Variants in HPSE2 observed in about 807,000 individuals in gnomAD.
HPSE2 encodes the protein inactive heparanase-2.
In HPSE2, 38 loss-of-function variants were observed where a neutral mutation model predicts 60.5. That is an observed-to-expected ratio of 0.63 (90% CI 0.48 to 0.82). The LOEUF is 0.82. HPSE2 is among the 40% of genes least tolerant of loss of function. The pLI, the probability that HPSE2 is intolerant of heterozygous loss-of-function variation, is 0.00. For synonymous variants in HPSE2, 295 were observed against 293.2 expected (o/e 1.01, Z -0.06); for missense variants, 713 against 740.4 (o/e 0.96, Z 0.43).
intron 9 of HPSE2, among the ~76,000 whole-genome samples, chr10:98,493,802 T>G (rs1240804128): frequency 1.3e-5 from 2 of 152,256 alleles, no homozygotes; most frequent in Non-Finnish European, 2.9e-5. Context: ...AAGTAACTAC[T>G]GATAAGGAGG....
intron 9 of HPSE2, among the ~76,000 whole-genome samples, chr10:98,550,910 G>C (rs1486318060): frequency 6.6e-6 from 1 of 152,088 alleles, no homozygotes; most frequent in Non-Finnish European, 1.5e-5. Context: ...AACTTGGCCG[G>C]GACTAGTTTG....
At chr10:99,275,830 A>G in the HPSE2 span, among the ~76,000 whole-genome samples, 1 of 152,302 alleles carries the variant, frequency 6.6e-6, no homozygotes, top group South Asian at 2.1e-4. Context: ...TCAGGCCAGA[A>G]CATCTAGGGC....
At chr10:99,074,878 C>G in intron 3 of HPSE2, among the ~76,000 whole-genome samples, 1 of 152,004 alleles carries the variant, frequency 6.6e-6, no homozygotes, top group East Asian at 1.9e-4. Flanking sequence ...CTTTGTATTT[C>G]TGTGGTATCA....
chr10:98,471,651 T>G (rs1940785180), intron 11 of HPSE2, among the ~76,000 whole-genome samples: 1 of 152,042 alleles, frequency 6.6e-6, no homozygotes, highest in African/African-American at 2.4e-5. Context: ...CTGGATGTCT[T>G]GCCCCCTCCC....
At chr10:98,768,595 C>A (rs1950175531) in intron 3 of HPSE2, among the ~76,000 whole-genome samples, 1 of 152,166 alleles carries the variant, frequency 6.6e-6, no homozygotes, top group African/African-American at 2.4e-5. Context: ...TTACTAAGTA[C>A]ATGTTTACTG....
At chr10:98,919,249 T>C (rs972481989) in intron 3 of HPSE2, among the ~76,000 whole-genome samples, 1 of 152,062 alleles carries the variant, frequency 6.6e-6, no homozygotes, top group African/African-American at 2.4e-5. Flanking sequence ...AATATGCAGA[T>C]GTGTAATTGG....
intron 5 of HPSE2, among the ~76,000 whole-genome samples, chr10:98,704,352 A>T (rs1371518261): frequency 6.6e-6 from 1 of 152,174 alleles, no homozygotes; most frequent in Non-Finnish European, 1.5e-5. Flanking sequence ...TTACAGATTC[A>T]ATGCTATTCC....
intron 9 of HPSE2, among the ~76,000 whole-genome samples, chr10:98,608,892 C>T (rs1358798143): frequency 6.6e-6 from 1 of 151,894 alleles, no homozygotes; most frequent in Admixed American, 6.6e-5. Context: ...TTGTGCCTCC[C>T]CCGCCCTACC....
At chr10:98,731,257 C>T (rs556778570) in intron 4 of HPSE2, among the ~76,000 whole-genome samples, 22 of 152,054 alleles carry the variant, frequency 1.4e-4, no homozygotes, top group African/African-American at 2.4e-4. Context: ...CCAGTCTGGG[C>T]GACAGAGTGA....
At chr10:98,940,592 TA>T (rs1954963453) in intron 3 of HPSE2, among the ~76,000 whole-genome samples, 1 of 141,228 alleles carries the variant, frequency 7.1e-6, no homozygotes, top group African/African-American at 2.9e-5. Context: ...CAATAATCAA[TA>T]GCTTACCAAC....
At chr10:99,068,412 TGAG>T (rs1398249774) in intron 3 of HPSE2, among the ~76,000 whole-genome samples, 4 of 152,104 alleles carry the variant, frequency 2.6e-5, no homozygotes, top group African/African-American at 9.7e-5. Context: ...AGAAGGCAAA[TGAG>T]GAGCAAAGTC....
At chr10:98,615,746 A>G (rs1945888969) in intron 8 of HPSE2, among the ~76,000 whole-genome samples, 1 of 152,192 alleles carries the variant, frequency 6.6e-6, no homozygotes, top group Non-Finnish European at 1.5e-5. Context: ...CTCTGCCTTC[A>G]TTATTTACAC....
At chr10:98,775,235 A>G (rs2134432976) in intron 3 of HPSE2, among the ~76,000 whole-genome samples, 1 of 152,376 alleles carries the variant, frequency 6.6e-6, no homozygotes, top group South Asian at 2.1e-4. Context: ...ACACATGTGC[A>G]CATGCACAGC....
At chr10:99,252,745 C>T in the HPSE2 span, among the ~76,000 whole-genome samples, 1 of 152,012 alleles carries the variant, frequency 6.6e-6, no homozygotes, top group Non-Finnish European at 1.5e-5. Context: ...GGCGTGGTGG[C>T]GGGCGCCTGT....
chr10:98,572,757 G>A lies in HPSE2; in HGVS notation c.1320+42147C>T, dbSNP rs374814950. ...AAATCCCTTCTTGGAGTTAGTCACAGGCTCCACATGCCTCCTGTGTGAAAT... is the reference window on the plus strand; with the variant it reads ...AAATCCCTTCTTGGAGTTAGTCACAAGCTCCACATGCCTCCTGTGTGAAAT... On this transcript the variant is annotated intron_variant, in intron 9 of 11. Coordinates refer to ENST00000370552, the MANE Select transcript of HPSE2 (RefSeq NM_021828.5). Among the ~76,000 whole-genome samples the A allele has an allele frequency of 2.0e-5, 3 of 152,274 alleles. No homozygotes were observed. In the East Asian group the frequency reaches 5.8e-4, roughly 29 times the overall value.
chr10:99,006,240 T>C (rs950334871), intron 3 of HPSE2, among the ~76,000 whole-genome samples: 6 of 152,092 alleles, frequency 3.9e-5, no homozygotes, highest in Admixed American at 1.3e-4. Context: ...GCCTGGGTTC[T>C]GGATCTATAA....
chr10:99,088,374 CCT>C (rs939674380), intron 3 of HPSE2, among the ~76,000 whole-genome samples: 6 of 152,110 alleles, frequency 3.9e-5, no homozygotes, highest in African/African-American at 9.7e-5. Flanking sequence ...TACCCTTTCC[CCT>C]GAGTCCCCAA....
intron 3 of HPSE2, among the ~76,000 whole-genome samples, chr10:98,857,234 A>G (rs1352862266): frequency 6.6e-6 from 1 of 152,190 alleles, no homozygotes; most frequent in African/African-American, 2.4e-5. Flanking sequence ...TTCTAGGGTC[A>G]TTAACTTTAC....
chr10:99,254,074 GAGAAAA>G, the HPSE2 span, among the ~76,000 whole-genome samples: 1 of 152,128 alleles, frequency 6.6e-6, no homozygotes, highest in Non-Finnish European at 1.5e-5. Flanking sequence ...TATACATCCA[GAGAAAA>G]CAAATCATTC....
Sources: allele counts gnomAD v4.1 joint callset (sites outside exome capture counted in the v4.1 genomes callset), GRCh38; gene constraint gnomAD v4.1.1; transcripts MANE v1.5; gene names NCBI Gene and HGNC (gene_info 2026-07-23, HGNC 2026-07-21).